The following RAPGEF1 variants were observed in gnomAD, a reference collection of about 807,000 sequenced individuals.
RAPGEF1 encodes Rap guanine nucleotide exchange factor 1, also known as CRK SH3-binding GNRP.
A neutral mutation model predicts 143.3 loss-of-function variants in RAPGEF1; 33 were observed. That is an observed-to-expected ratio of 0.23 (90% CI 0.17 to 0.31). The LOEUF is 0.31. RAPGEF1 is among the 10% of genes least tolerant of loss of function. The pLI is 1.00. For synonymous variants in RAPGEF1, 629 were observed against 676.5 expected (o/e 0.93, Z 1.09); for missense variants, 1,199 against 1,645.4 (o/e 0.73, Z 4.69).
intron 12 of RAPGEF1, among the ~76,000 whole-genome samples, chr9:131,611,211 C>G (rs929536085): frequency 9.9e-5 from 15 of 152,160 alleles, no homozygotes; most frequent in Admixed American, 2.0e-4. Context: ...AGAAGGCAGT[C>G]CTGTGGGCCA....
At chr9:131,677,549 A>C (rs554791429) in intron 1 of RAPGEF1, among the ~76,000 whole-genome samples, 2 of 152,344 alleles carry the variant, frequency 1.3e-5, no homozygotes, top group South Asian at 4.1e-4. Context: ...ACAAACACCA[A>C]GTGACATTTT....
intron 1 of RAPGEF1, among the ~76,000 whole-genome samples, chr9:131,694,320 T>A (rs1833984955): frequency 6.6e-6 from 1 of 152,092 alleles, no homozygotes; most frequent in Non-Finnish European, 1.5e-5. Context: ...TGAATGAACT[T>A]CTCTCCCAAG....
At chr9:131,593,159 G>A (rs542329768) in intron 17 of RAPGEF1, among the ~76,000 whole-genome samples, 1 of 152,340 alleles carries the variant, frequency 6.6e-6, no homozygotes, top group East Asian at 1.9e-4. Flanking sequence ...GAGGCATGGT[G>A]CCAGCCACTG....
At chr9:131,602,800 C>T (rs1205923116) in intron 14 of RAPGEF1, among the ~76,000 whole-genome samples, 1 of 152,052 alleles carries the variant, frequency 6.6e-6, no homozygotes, top group Non-Finnish European at 1.5e-5. Flanking sequence ...CCTCCTGGGT[C>T]CCTGGGCTGG....
intron 1 of RAPGEF1, among the ~76,000 whole-genome samples, chr9:131,677,972 T>TTA (rs1324707700): frequency 5.9e-5 from 9 of 152,214 alleles, no homozygotes; most frequent in South Asian, 4.1e-4. Flanking sequence ...AGAGCACAGG[T>TTA]CAACAAGCTC....
intron 1 of RAPGEF1, among the ~76,000 whole-genome samples, chr9:131,659,410 G>C (rs978562516): frequency 6.6e-6 from 1 of 152,076 alleles, no homozygotes; most frequent in African/African-American, 2.4e-5. Context: ...GTAGAGACAG[G>C]GTTTCGCCAT....
chr9:131,638,927 A>G (rs911840998), intron 4 of RAPGEF1, 136 bp from the exon 5 acceptor site: 18 of 819,530 alleles, frequency 2.2e-5, no homozygotes, highest in Middle Eastern at 2.4e-4. Flanking sequence ...TTTAATAAGC[A>G]AACTTCTCCC....
Position 131,583,491 on chromosome 9 carries a change from T to G in RAPGEF1, c.3415-789A>C, listed in dbSNP as rs1408248938. On this transcript the variant is annotated intron_variant, in intron 24 of 26. Coordinates refer to ENST00000683357, the MANE Select transcript of RAPGEF1 (RefSeq NM_001377935.1). The surrounding 1 kb of genome is among the most constrained non-coding windows in gnomAD (Gnocchi z 4.7). ...GACCCCCAGGTGGCCTGGCTGACGCTCGGGTTCCTGACATGACCTCTGGGT... is the reference window on the plus strand; with the variant it reads ...GACCCCCAGGTGGCCTGGCTGACGCGCGGGTTCCTGACATGACCTCTGGGT... Among the ~76,000 whole-genome samples the G allele has an allele frequency of 6.7e-6, 1 of 149,490 alleles. No individual in the cohort carries two copies. The highest frequency in any genetic ancestry group is 1.5e-5 in the Non-Finnish European group (1 of 67,400).
At chr9:131,579,717 C>T in intron 26 of RAPGEF1, 70 bp from the exon 27 acceptor site, 2 of 1,536,792 alleles carry the variant, frequency 1.3e-6, no homozygotes, top group African/African-American at 1.4e-5. Flanking sequence ...CGCCACCCTC[C>T]TGGAAGGTGC....
rs1257279257 is a variant in RAPGEF1, at chr9:131,650,695, C to T, written c.201+115G>A. ...CAAAGGTCCCGCCCATGGAATGCTA[C>T]GAAGTAGGTATGATGCACTGAAAGC... On this transcript the variant is annotated intron_variant, in intron 2 of 26. Coordinates refer to ENST00000683357, the MANE Select transcript of RAPGEF1 (RefSeq NM_001377935.1). The surrounding 1 kb of genome is among the most constrained non-coding windows in gnomAD (Gnocchi z 4.7). The T allele has an allele frequency of 4.2e-6, 6 of 1,425,856 alleles. No homozygotes were observed. Among genetic ancestry groups the T allele is most frequent in the Middle Eastern group, 2.6e-4 (1 of 3,846 alleles). 88.3% of individuals were successfully genotyped at this position (1,425,856 alleles called of 1,614,324 possible). A position where few individuals can be genotyped will look rare whatever the true frequency, so the allele number is the denominator to read the frequency against.
chr9:131,613,590 C>T (rs1463969398), intron 12 of RAPGEF1, among the ~76,000 whole-genome samples: 2 of 152,146 alleles, frequency 1.3e-5, no homozygotes, highest in Non-Finnish European at 1.5e-5. Flanking sequence ...ATGCCCTGTG[C>T]AGTATCAGCA....
intron 1 of RAPGEF1, among the ~76,000 whole-genome samples, chr9:131,653,085 A>T (rs1296546823): frequency 6.6e-6 from 1 of 152,192 alleles, no homozygotes; most frequent in East Asian, 1.9e-4. Context: ...GCATGACTCT[A>T]TTTAAAAATC....
chr9:131,642,166 G>A (rs111458175), intron 4 of RAPGEF1, among the ~76,000 whole-genome samples: 2,664 of 152,292 alleles, frequency 0.017, 49 homozygotes, highest in South Asian at 0.1. Context: ...AATAAATACA[G>A]GACAAGCTGC....
At position 131,647,365 on chromosome 9, in the gene RAPGEF1, A is replaced by C. The variant is rs75298758; in HGVS notation, c.315+2764T>G. 3.3e-5 allele frequency among the ~76,000 whole-genome samples: 5 copies of C among 152,354 alleles called. No homozygotes were observed. In the East Asian group the frequency reaches 9.6e-4, roughly 29 times the overall value. On this transcript the variant is annotated intron_variant, in intron 3 of 26. Coordinates refer to ENST00000683357, the MANE Select transcript of RAPGEF1 (RefSeq NM_001377935.1). Reference sequence around the variant, plus strand: ...ACACAATTATGGTGAGGAGTAAATAAGACAGCATGTCTGAAACCACCCAGG... The same window carrying C: ...ACACAATTATGGTGAGGAGTAAATACGACAGCATGTCTGAAACCACCCAGG...
chr9:131,644,253 T>C (rs1291188144), intron 3 of RAPGEF1, among the ~76,000 whole-genome samples: 1 of 152,106 alleles, frequency 6.6e-6, no homozygotes, highest in Non-Finnish European at 1.5e-5. Flanking sequence ...ACACACCCCT[T>C]TTGTTCTTCT....
chr9:131,618,878 T>C (rs1475503869), intron 12 of RAPGEF1, among the ~76,000 whole-genome samples, 173 bp downstream of exon 12: 1 of 152,214 alleles, frequency 6.6e-6, no homozygotes, highest in East Asian at 1.9e-4. Flanking sequence ...GGATGCCTCA[T>C]GGTCTTTAAG....
At chr9:131,680,120 A>G (rs894500016) in intron 1 of RAPGEF1, among the ~76,000 whole-genome samples, 11 of 152,268 alleles carry the variant, frequency 7.2e-5, no homozygotes, top group African/African-American at 2.7e-4. Context: ...ACACTGATGG[A>G]CAATAAGGAC....
rs2132554663 is a variant in RAPGEF1 at position 131,607,055 on chromosome 9, T to C, written c.2062-1867A>G. On this transcript the variant is annotated intron_variant, in intron 12 of 26. Coordinates refer to ENST00000683357, the MANE Select transcript of RAPGEF1 (RefSeq NM_001377935.1). Reference sequence around the variant, plus strand: ...CTTCCCGGCTGCACTGACCAGAGTTTCAAGCTCCTCCCTCATCTCACTCCT... The same window carrying C: ...CTTCCCGGCTGCACTGACCAGAGTTCCAAGCTCCTCCCTCATCTCACTCCT... 1.3e-5 allele frequency among the ~76,000 whole-genome samples: 2 copies of C among 152,316 alleles called. 1 individual carries two copies. The highest frequency in any genetic ancestry group is 4.1e-4 in the South Asian group (2 of 4,830).
chr9:131,644,857 C>T (rs903176032), intron 3 of RAPGEF1, among the ~76,000 whole-genome samples: 2 of 151,990 alleles, frequency 1.3e-5, no homozygotes, highest in African/African-American at 2.4e-5. Flanking sequence ...TAAAAATGTT[C>T]AATAGTAGAG....
Sources: allele counts gnomAD v4.1 joint callset (sites outside exome capture counted in the v4.1 genomes callset), GRCh38; gene constraint gnomAD v4.1.1; non-coding constraint Gnocchi (gnomAD v3.1); transcripts MANE v1.5; gene names NCBI Gene and HGNC (gene_info 2026-07-23, HGNC 2026-07-21).